The following ANKRD10 variants were observed in gnomAD, a reference collection of about 807,000 sequenced individuals.
ANKRD10 encodes ankyrin repeat domain-containing protein 10.
In ANKRD10, 14 loss-of-function variants were observed where a neutral mutation model predicts 27.0. That is an observed-to-expected ratio of 0.52 (90% CI 0.34 to 0.81). The LOEUF (loss-of-function observed/expected upper bound fraction) is 0.81, where lower values mean the gene tolerates loss of function less well. ANKRD10 is among the 40% of genes least tolerant of loss of function. The probability of loss-of-function intolerance (pLI) is 0.01; values close to 1 mark genes in which losing one functional copy is unlikely to be tolerated. For missense variants in ANKRD10, 493 were observed against 544.0 expected (o/e 0.91, Z 0.93); for synonymous variants, 250 against 224.5 (o/e 1.11, Z -1.01).
intron 2 of ANKRD10, among the ~76,000 whole-genome samples, chr13:110,907,697 A>C (rs2065576832): frequency 6.6e-6 from 1 of 152,234 alleles, no homozygotes; most frequent in Non-Finnish European, 1.5e-5. Flanking sequence ...TGCGGCTATA[A>C]ACTATCCAGT....
chr13:110,886,499 C>T (rs571382624), intron 4 of ANKRD10, among the ~76,000 whole-genome samples: 2 of 152,312 alleles, frequency 1.3e-5, no homozygotes, highest in Non-Finnish European at 2.9e-5. Flanking sequence ...TGCTGTTTCA[C>T]GAGTGCCACC....
rs754574986 is a variant in ANKRD10, at chr13:110,894,245, A to C, written c.456-982T>G. 112 of 1,371,472 alleles carry C rather than the reference A, an allele frequency of 8.2e-5. No individual in the cohort carries two copies. The East Asian group carries it at 2.5e-3, about 31-fold the overall frequency. The allele number at this position is 1,371,472 out of a possible 1,614,324, so 85.0% of individuals were successfully genotyped here. ...TCCTGTTAGCTGCAGGTTGATAAAC[A>C]AACGGGAGAAGTACTTAACAGCAAA... On this transcript the variant is annotated intron_variant, in intron 3 of 5. Transcript: ENST00000267339.
At chr13:110,883,461 A>G in intron 5 of ANKRD10, 1 of 1,219,038 alleles carries the variant, frequency 8.2e-7, no homozygotes. Context: ...TGCCCAAGAT[A>G]TGCAAATTAT....
chr13:110,896,933 C>T (rs964775567), intron 3 of ANKRD10, among the ~76,000 whole-genome samples: 1 of 152,074 alleles, frequency 6.6e-6, no homozygotes, highest in East Asian at 1.9e-4. Flanking sequence ...TGTAAATATT[C>T]CTCTATCCTT....
chr13:110,885,555 GA>G (rs914509584), intron 4 of ANKRD10, among the ~76,000 whole-genome samples: 25 of 151,460 alleles, frequency 1.7e-4, no homozygotes, highest in Middle Eastern at 3.4e-3. Context: ...TAAAAAAAAA[GA>G]AAAAAAGAAA....
At chr13:110,891,317 A>T (rs752705500) in intron 4 of ANKRD10, among the ~76,000 whole-genome samples, 1 of 152,212 alleles carries the variant, frequency 6.6e-6, no homozygotes, top group Non-Finnish European at 1.5e-5. Context: ...ACTACATTAG[A>T]AAAAATATAT....
intron 3 of ANKRD10, chr13:110,894,331 C>T (rs2065161142): frequency 2.5e-6 from 1 of 404,620 alleles, no homozygotes; most frequent in Non-Finnish European, 4.5e-6. Flanking sequence ...ATGATGAAAT[C>T]AAGGCCTTGT....
At chr13:110,890,543 TAA>T (rs1566457647) in intron 4 of ANKRD10, among the ~76,000 whole-genome samples, 1 of 152,184 alleles carries the variant, frequency 6.6e-6, no homozygotes, top group East Asian at 1.9e-4. Context: ...AGGAAATTAG[TAA>T]AGTCATGGTC....
At chr13:110,880,893 C>T (rs750478591) in intron 5 of ANKRD10, among the ~76,000 whole-genome samples, 7 of 152,184 alleles carry the variant, frequency 4.6e-5, no homozygotes, top group Non-Finnish European at 1.0e-4. Flanking sequence ...TCTTCTCAGT[C>T]CAGCAATTAA....
intron 2 of ANKRD10, among the ~76,000 whole-genome samples, chr13:110,908,939 A>C (rs976850393): frequency 3.9e-5 from 6 of 152,220 alleles, no homozygotes; most frequent in African/African-American, 1.4e-4. Context: ...GAGGGCTGAA[A>C]AGAAAAAGAT....
chr13:110,896,298 G>A (rs2065224463), intron 3 of ANKRD10, among the ~76,000 whole-genome samples: 1 of 152,176 alleles, frequency 6.6e-6, no homozygotes, highest in South Asian at 2.1e-4. Flanking sequence ...CTTCTAGTGA[G>A]GTACAAGAAC....
intron 3 of ANKRD10, 30 bp downstream of exon 3, chr13:110,906,003 A>C (rs1235101288): frequency 1.3e-6 from 2 of 1,549,844 alleles, no homozygotes; most frequent in Non-Finnish European, 1.8e-6. Context: ...CTACATCTTT[A>C]GCTGGAAAGA....
chr13:110,891,400 G>C (rs2065068738), intron 4 of ANKRD10, among the ~76,000 whole-genome samples: 1 of 152,162 alleles, frequency 6.6e-6, no homozygotes, highest in South Asian at 2.1e-4. Flanking sequence ...ATTTTATGCA[G>C]ATCTTCATGT....
intron 2 of ANKRD10, among the ~76,000 whole-genome samples, chr13:110,908,291 A>G (rs546008867): frequency 1.3e-5 from 2 of 152,352 alleles, no homozygotes; most frequent in African/African-American, 4.8e-5. Context: ...GAGGCATATG[A>G]AAGAGAAGGT....
Position 110,879,495 on chromosome 13 carries a change from T to C in ANKRD10, c.*142A>G, listed in dbSNP as rs1259455226. 9.0e-6 allele frequency: 6 copies of C among 666,820 alleles called. No individual in the cohort carries two copies. The South Asian group carries it at 9.5e-5, about 11-fold the overall frequency. The allele number at this position is 666,820 out of a possible 1,614,324, so 41.3% of individuals were successfully genotyped here. A position where few individuals can be genotyped will look rare whatever the true frequency, so the allele number is the denominator to read the frequency against. On this transcript the variant is annotated 3_prime_UTR_variant, in exon 6 of 6. Coordinates refer to ENST00000267339, the MANE Select transcript of ANKRD10 (RefSeq NM_017664.4). ...GCACAAACAAGCAGTTGCTGGGAAC[T>C]TGTCGAAGTTTACTTTTTCAGAAAG...
chr13:110,914,527 C>T, intron 1 of ANKRD10, 198 bp downstream of exon 1: 1 of 674,300 alleles, frequency 1.5e-6, no homozygotes, highest in Non-Finnish European at 2.1e-6. Context: ...GCCCCGCGCC[C>T]CCCGGCTGCC....
In ANKRD10 at chr13:110,893,084, C is replaced by T. The variant is rs779123844; in HGVS notation, c.635G>A (p.Arg212Gln). 16 of 1,614,212 alleles carry T rather than the reference C, an allele frequency of 9.9e-6. No homozygotes were observed. The highest frequency in any genetic ancestry group is 2.2e-5 in the East Asian group (1 of 44,884). Residue 212 changes from arginine to glutamine, a missense_variant, in exon 4 of 6, where the codon CGA (arginine) becomes CAA (glutamine). Arg to Gln is a conservative substitution (Grantham distance 43). Transcript: ENST00000267339. ...TTCTGAGTCTTCCAAGCATCTCTTT[C>T]GATTTGTTCCCACACTAATATGATT... ...FPNHISVGTN[R>Q]KRCLEDSEDF...
At chr13:110,914,667 T>C in intron 1 of ANKRD10, 58 bp downstream of exon 1, 1 of 1,511,696 alleles carries the variant, frequency 6.6e-7, no homozygotes, top group Non-Finnish European at 8.9e-7. Context: ...CAGACCCGCT[T>C]TCCCCGACTC....
chr13:110,893,038 A>G lies in ANKRD10; in HGVS notation c.681T>C (p.Ala227=), dbSNP rs752637003. ...EDSEDFGVKK[A]RTEAQSLDSA... is the part of the protein sequence containing the mutation. ...GCAAAGCGGTCTCACCTTCAGTTCT[A>G]GCTTTCTTTACTCCAAAGTCTTCTG... Residue 227 remains alanine, a synonymous_variant, in exon 4 of 6, where the codon GCT becomes GCC. Coordinates refer to ENST00000267339, the MANE Select transcript of ANKRD10 (RefSeq NM_017664.4). 125 of 1,613,988 alleles carry G rather than the reference A, an allele frequency of 7.7e-5. No homozygotes were observed. Among genetic ancestry groups the G allele is most frequent in the Non-Finnish European group, 1.0e-4 (119 of 1,180,000 alleles).
Sources: allele counts gnomAD v4.1 joint callset (sites outside exome capture counted in the v4.1 genomes callset), GRCh38; gene constraint gnomAD v4.1.1; transcripts MANE v1.5; gene names NCBI Gene and HGNC (gene_info 2026-07-23, HGNC 2026-07-21).